FAM135B: variants seen among roughly 807,000 people sequenced by gnomAD.
FAM135B encodes protein FAM135B.
A neutral mutation model predicts 127.7 loss-of-function variants in FAM135B; 43 were observed. That is an observed-to-expected ratio of 0.34 (90% confidence interval 0.26 to 0.43). The LOEUF is 0.43. FAM135B is among the 20% of genes least tolerant of loss of function. The probability of loss-of-function intolerance (pLI) is 1.00; values close to 1 mark genes in which losing one functional copy is unlikely to be tolerated. For missense variants in FAM135B, 1,558 were observed against 1,725.6 expected, an observed-to-expected ratio of 0.90 and a Z score of 1.72; for synonymous variants, 670 against 665.1, an observed-to-expected ratio of 1.01 and a Z score of -0.11.
rs1407590598 is a variant in FAM135B, at chr8:138,167,929, G to T, written c.1224C>A (p.Ile408=). ...IDGDWNTLPV[I]FEDRYVDCPA... is the part of the protein sequence containing the mutation. ...GGCAGTCCACGTATCTGTCCTCAAA[G>T]ATCACCGGCAGGGTGTTCCAATCGC... The change falls in exon 12 of 20, where the codon ATC becomes ATA. Residue 408 remains isoleucine (I), a synonymous_variant. Coordinates refer to ENST00000395297, the MANE Select transcript of FAM135B (RefSeq NM_015912.4). The T allele has an allele frequency of 6.2e-7, 1 of 1,613,620 alleles. No homozygotes were observed. Among genetic ancestry groups the T allele is most frequent in the East Asian group, 2.2e-5 (1 of 44,822 alleles).
At chr8:138,407,198 A>T (rs1833560723) in intron 1 of FAM135B, among the ~76,000 whole-genome samples, 1 of 147,904 alleles carries the variant, frequency 6.8e-6, no homozygotes, top group African/African-American at 2.5e-5. Flanking sequence ...TCCAACTTAC[A>T]AGGGACGTGA....
chr8:138,340,326 G>A (rs1174154058), intron 2 of FAM135B, among the ~76,000 whole-genome samples: 2 of 152,138 alleles, frequency 1.3e-5, no homozygotes, highest in Non-Finnish European at 2.9e-5. Context: ...AACGATCAGG[G>A]AGCACTCATC....
At chr8:138,235,993 A>G (rs2130276615) in intron 7 of FAM135B, among the ~76,000 whole-genome samples, 1 of 152,274 alleles carries the variant, frequency 6.6e-6, no homozygotes, top group South Asian at 2.1e-4. Flanking sequence ...CAAACCTATG[A>G]TCTCCACGGG....
At chr8:138,197,489 G>C (rs748382106) in intron 8 of FAM135B, 27 bp downstream of exon 8, 9 of 1,600,732 alleles carry the variant, frequency 5.6e-6, no homozygotes, top group Non-Finnish European at 7.7e-6. Context: ...CTGCTGGGAT[G>C]GGCTTGCCCC....
chr8:138,256,807 C>CAG, intron 4 of FAM135B, 48 bp from the exon 5 acceptor site: 1 of 1,447,504 alleles, frequency 6.9e-7, no homozygotes, highest in Non-Finnish European at 9.7e-7. Context: ...AAATCTTGTC[C>CAG]AAATGAAATA....
intron 7 of FAM135B, among the ~76,000 whole-genome samples, chr8:138,217,621 C>T (rs1563782083): frequency 6.6e-6 from 1 of 151,858 alleles, no homozygotes; most frequent in African/African-American, 2.4e-5. Context: ...TTAGTAGAGA[C>T]GGGGTTTCAC....
At chr8:138,335,221 A>G (rs189879285) in intron 2 of FAM135B, among the ~76,000 whole-genome samples, 4 of 152,304 alleles carry the variant, frequency 2.6e-5, no homozygotes, top group Non-Finnish European at 2.9e-5. Context: ...TCCCATGCCC[A>G]TCGGAGAACT....
chr8:138,171,084 G>A (rs978802798), intron 11 of FAM135B, among the ~76,000 whole-genome samples: 2 of 152,150 alleles, frequency 1.3e-5, no homozygotes, highest in Non-Finnish European at 2.9e-5. Context: ...GAGCCACGCT[G>A]CCAGCTCCCT....
chr8:138,252,196 T>C (rs1430709595), intron 5 of FAM135B, among the ~76,000 whole-genome samples: 3 of 152,216 alleles, frequency 2.0e-5, no homozygotes, highest in African/African-American at 7.2e-5. Flanking sequence ...GGCTACAATT[T>C]GTTGAGAGCT....
At chr8:138,301,846 C>T (rs151064062) in intron 3 of FAM135B, among the ~76,000 whole-genome samples, 74 of 152,304 alleles carry the variant, frequency 4.9e-4, no homozygotes, top group African/African-American at 1.6e-3. Flanking sequence ...CCATGCTGAA[C>T]CCCTGCTTGA....
At chr8:138,289,107 A>G (rs1004365501) in intron 3 of FAM135B, among the ~76,000 whole-genome samples, 3 of 152,182 alleles carry the variant, frequency 2.0e-5, no homozygotes, top group Admixed American at 6.5e-5. Flanking sequence ...TGGACATTTT[A>G]TCTTCATTTC....
intron 2 of FAM135B, among the ~76,000 whole-genome samples, chr8:138,335,839 T>G (rs1433370466): frequency 1.3e-5 from 2 of 152,278 alleles, no homozygotes; most frequent in East Asian, 3.9e-4. Context: ...ATTCCAAAAT[T>G]GACCACATAG....
intron 1 of FAM135B, among the ~76,000 whole-genome samples, chr8:138,385,056 G>A (rs985063786): frequency 6.6e-6 from 1 of 152,094 alleles, no homozygotes; most frequent in African/African-American, 2.4e-5. Context: ...AGATGCCCCA[G>A]CAAACAGCTC....
At chr8:138,495,783 C>T (rs1008726211) in intron 1 of FAM135B, among the ~76,000 whole-genome samples, 1 of 152,186 alleles carries the variant, frequency 6.6e-6, no homozygotes, top group Admixed American at 6.5e-5. Flanking sequence ...AGCCCAGGTG[C>T]CTCTCGGCTT....
At chr8:138,361,482 T>G (rs922581458) in intron 2 of FAM135B, among the ~76,000 whole-genome samples, 5 of 152,182 alleles carry the variant, frequency 3.3e-5, no homozygotes, top group Non-Finnish European at 7.4e-5. Context: ...GCACTGGCAA[T>G]GCAAAGTCAA....
At chr8:138,334,282 A>G (rs1239726365) in intron 2 of FAM135B, among the ~76,000 whole-genome samples, 3 of 152,216 alleles carry the variant, frequency 2.0e-5, no homozygotes, top group African/African-American at 7.2e-5. Flanking sequence ...TGCTCTGGCA[A>G]TACTTCTACA....
chr8:138,309,232 G>T (rs1315468623), intron 3 of FAM135B, among the ~76,000 whole-genome samples: 2 of 152,064 alleles, frequency 1.3e-5, no homozygotes, highest in Admixed American at 6.6e-5. Flanking sequence ...ACCTTCTTCT[G>T]TTGGAAGGTA....
At chr8:138,356,516 CT>C (rs1454089536) in intron 2 of FAM135B, among the ~76,000 whole-genome samples, 2 of 152,108 alleles carry the variant, frequency 1.3e-5, no homozygotes, top group South Asian at 4.2e-4. Context: ...CAAAATTTTT[CT>C]TCTCCAAAGA....
chr8:138,140,507 CA>C (rs1563674037), intron 17 of FAM135B, among the ~76,000 whole-genome samples: 1 of 152,206 alleles, frequency 6.6e-6, no homozygotes, highest in African/African-American at 2.4e-5. Context: ...GTAGTATCTA[CA>C]AGGTCTACAG....
Sources: allele counts gnomAD v4.1 joint callset (sites outside exome capture counted in the v4.1 genomes callset), GRCh38; gene constraint gnomAD v4.1.1; transcripts MANE v1.5; gene names NCBI Gene and HGNC (gene_info 2026-07-23, HGNC 2026-07-21).